Variants in JARID2 observed in about 807,000 individuals in gnomAD.
The protein encoded by JARID2 is jumonji and AT-rich interaction domain containing 2.
Under a neutral mutation model 125.6 loss-of-function variants are expected in JARID2, and 21 were observed. The ratio of observed to expected loss-of-function variants is 0.17; its 90% CI spans 0.12 to 0.24. JARID2 has a LOEUF of 0.24. Among genes scored for constraint, JARID2 ranks in the 10% least tolerant of loss-of-function variants. The pLI is 1.00. For synonymous variants in JARID2, 736 were observed against 661.6 expected (o/e 1.11, Z -1.73); for missense variants, 1,303 against 1,639.6 (o/e 0.79, Z 3.55).
intron 2 of JARID2, among the ~76,000 whole-genome samples, chr6:15,391,613 A>G (rs977549594): frequency 2.0e-5 from 3 of 152,224 alleles, no homozygotes; most frequent in African/African-American, 7.2e-5. Context: ...TCACTTTGCA[A>G]TCTGTCAAAT....
intron 1 of JARID2, among the ~76,000 whole-genome samples, chr6:15,284,086 G>T (rs1433519547): frequency 6.6e-6 from 1 of 151,928 alleles, no homozygotes; most frequent in African/African-American, 2.4e-5. Flanking sequence ...TTTCTTTTAT[G>T]GGTTTTATGT....
At chr6:15,468,875 G>A (rs1266717941) in intron 5 of JARID2, among the ~76,000 whole-genome samples, 157 bp downstream of exon 5, 1 of 152,204 alleles carries the variant, frequency 6.6e-6, no homozygotes, top group Non-Finnish European at 1.5e-5. Context: ...TATTAGTGTA[G>A]CTTAGTGTAG....
intron 4 of JARID2, among the ~76,000 whole-genome samples, chr6:15,463,252 T>C (rs1319932891): frequency 6.6e-6 from 1 of 152,012 alleles, no homozygotes; most frequent in Non-Finnish European, 1.5e-5. Context: ...ACATACAGCT[T>C]TTGTTGGTTA....
At chr6:15,433,148 TAAG>T (rs1767039698) in intron 3 of JARID2, among the ~76,000 whole-genome samples, 1 of 152,212 alleles carries the variant, frequency 6.6e-6, no homozygotes, top group Admixed American at 6.5e-5. Flanking sequence ...CCTTAAATAA[TAAG>T]CACCCATTCT....
chr6:15,319,463 T>C (rs1174521945), intron 1 of JARID2, among the ~76,000 whole-genome samples: 1 of 152,186 alleles, frequency 6.6e-6, no homozygotes, highest in Non-Finnish European at 1.5e-5. Flanking sequence ...AGTGGTGTGA[T>C]CTCAGCTCAT....
At chr6:15,423,304 C>G (rs1283994303) in intron 3 of JARID2, among the ~76,000 whole-genome samples, 4 of 152,040 alleles carry the variant, frequency 2.6e-5, no homozygotes, top group African/African-American at 9.7e-5. Flanking sequence ...GGCCTGCATC[C>G]CAGTCATCTG....
intron 1 of JARID2, among the ~76,000 whole-genome samples, chr6:15,310,387 C>G (rs1417294822): frequency 6.6e-6 from 1 of 152,136 alleles, no homozygotes; most frequent in Non-Finnish European, 1.5e-5. Flanking sequence ...TGAACCTACC[C>G]TTTGTAGATA....
intron 5 of JARID2, among the ~76,000 whole-genome samples, chr6:15,480,205 A>T (rs912541371): frequency 1.3e-5 from 2 of 152,144 alleles, no homozygotes; most frequent in African/African-American, 4.8e-5. Context: ...GACAGGAAGA[A>T]GGTATTTTAA....
chr6:15,518,745 G>C (rs965342004), intron 17 of JARID2, among the ~76,000 whole-genome samples: 2 of 152,184 alleles, frequency 1.3e-5, no homozygotes, highest in African/African-American at 4.8e-5. Flanking sequence ...GCCTCCCAAA[G>C]TGCTGGGATT....
intron 1 of JARID2, among the ~76,000 whole-genome samples, chr6:15,355,500 A>T (rs1763568436): frequency 6.6e-6 from 1 of 152,208 alleles, no homozygotes; most frequent in African/African-American, 2.4e-5. Flanking sequence ...ATTTTAGGTT[A>T]GTTGATTTAT....
At chr6:15,475,764 C>G (rs978815605) in intron 5 of JARID2, among the ~76,000 whole-genome samples, 2 of 152,210 alleles carry the variant, frequency 1.3e-5, no homozygotes, top group Non-Finnish European at 2.9e-5. Flanking sequence ...AGAGCTCAGT[C>G]TTCCCTCCTC....
chr6:15,251,706 T>G (rs1432927663), intron 1 of JARID2, among the ~76,000 whole-genome samples: 1 of 152,034 alleles, frequency 6.6e-6, no homozygotes, highest in Non-Finnish European at 1.5e-5. Flanking sequence ...AAAAAGAGCG[T>G]GGTGGCTCAT....
At chr6:15,465,426 G>C (rs1355197303) in intron 4 of JARID2, among the ~76,000 whole-genome samples, 1 of 152,130 alleles carries the variant, frequency 6.6e-6, no homozygotes, top group African/African-American at 2.4e-5. Flanking sequence ...ATTCCAGCCT[G>C]GGCGACAGAG....
chr6:15,266,289 T>A (rs577057384), intron 1 of JARID2, among the ~76,000 whole-genome samples: 1 of 152,348 alleles, frequency 6.6e-6, no homozygotes, highest in South Asian at 2.1e-4. Flanking sequence ...AAGTATATTT[T>A]AACTATTAGT....
chr6:15,414,076 A>G (rs752094312), intron 3 of JARID2, among the ~76,000 whole-genome samples: 2 of 152,200 alleles, frequency 1.3e-5, no homozygotes, highest in Non-Finnish European at 2.9e-5. Context: ...TATGTGCATG[A>G]TTTTAGAATC....
chr6:15,282,536 C>G (rs1018786219), intron 1 of JARID2, among the ~76,000 whole-genome samples: 2 of 151,784 alleles, frequency 1.3e-5, no homozygotes, highest in East Asian at 1.9e-4. Context: ...TTTGTTCTCT[C>G]TCTTTCTCTC....
At chr6:15,470,883 G>C (rs1460883869) in intron 5 of JARID2, among the ~76,000 whole-genome samples, 1 of 152,218 alleles carries the variant, frequency 6.6e-6, no homozygotes, top group Admixed American at 6.5e-5. Context: ...GAGGTCTACT[G>C]TTTGGTGACC....
chr6:15,480,853 A>C lies in JARID2; in HGVS notation c.671-6454A>C, dbSNP rs559047866. The stretch of plus-strand genomic sequence containing the variant: ...GTCTGTGCATGGAGTGAGGGTATTA[A>C]AAACCTTGCGATCAGTTTCTCATAG... On this transcript the variant is annotated intron_variant, in intron 5 of 17. Coordinates refer to ENST00000341776, the MANE Select transcript of JARID2 (RefSeq NM_004973.4). Among the ~76,000 whole-genome samples, 8 of 152,306 alleles carry C rather than the reference A, an allele frequency of 5.3e-5. No individual in the cohort carries two copies. In the South Asian group the frequency reaches 1.7e-3, roughly 32 times the overall value.
rs979500439 is a variant in JARID2 at position 15,501,212 on chromosome 6, C to G, written c.2251C>G (p.Leu751Val). The G allele has an allele frequency of 6.2e-7, 1 of 1,613,920 alleles. No individual in the cohort carries two copies. Among genetic ancestry groups the G allele is most frequent in the Non-Finnish European group, 8.5e-7 (1 of 1,179,926 alleles). Residue 751 changes from leucine (L) to valine (V), a missense_variant, in exon 8 of 18, where the codon CTG (leucine) becomes GTG (valine). By Grantham distance (32) the Leu-to-Val change is conservative. This residue lies in a region of JARID2 where 124 missense variants were observed against 131.0 expected (regional missense o/e 0.95). Coordinates refer to ENST00000341776, the MANE Select transcript of JARID2 (RefSeq NM_004973.4). ...TENDHHKFHP[L>V]PRFEPKNGLI... The stretch of plus-strand genomic sequence containing the variant: ...GAACGACCACCACAAGTTCCACCCT[C>G]TGCCCCGCTTCGAGCCCAAGAATGG...
Sources: allele counts gnomAD v4.1 joint callset (sites outside exome capture counted in the v4.1 genomes callset), GRCh38; gene constraint gnomAD v4.1.1; regional missense constraint gnomAD v4.1.1; transcripts MANE v1.5; gene names NCBI Gene and HGNC (gene_info 2026-07-23, HGNC 2026-07-21).